Variants in C1orf87 observed in about 807,000 individuals in gnomAD.
C1orf87 encodes the protein uncharacterized protein C1orf87.
In C1orf87, 58 loss-of-function variants were observed where a neutral mutation model predicts 60.5. The ratio of observed to expected loss-of-function variants is 0.96; its 90% CI spans 0.78 to 1.19. C1orf87 has a LOEUF of 1.19. Among genes scored for constraint, C1orf87 ranks in the 50% most tolerant of loss-of-function variants. The pLI, the probability that C1orf87 is intolerant of heterozygous loss-of-function variation, is 0.00. For missense variants in C1orf87, 673 were observed against 638.6 expected (o/e 1.05, Z -0.58); for synonymous variants, 236 against 227.4 (o/e 1.04, Z -0.34).
rs1644972228 is a variant in C1orf87, at chr1:59,997,610, T to C, written c.1479A>G (p.Thr493=). The C allele has an allele frequency of 8.1e-6, 13 of 1,613,616 alleles. No individual in the cohort carries two copies. Among genetic ancestry groups the C allele is most frequent in the East Asian group, 2.2e-5 (1 of 44,870 alleles). The change falls in exon 11 of 12, where the codon ACA becomes ACG. Residue 493 remains threonine, a splice_region_variant and synonymous_variant. Coordinates refer to ENST00000371201, the MANE Select transcript of C1orf87 (RefSeq NM_152377.3). ...NALYLCDLSN[T]GVLEKERARR... ...CCAGCTTTACAATTCATACTTCACC[T>C]GTGTTACTCAGATCACACAGGTAGA...
At chr1:60,055,465 T>C (rs1161026189) in intron 2 of C1orf87, 27 bp from the exon 3 acceptor site, 1 of 1,599,784 alleles carries the variant, frequency 6.3e-7, no homozygotes. Flanking sequence ...GTATACTTTG[T>C]TACTTACAGG....
At chr1:60,059,626 C>T (rs1396423655) in intron 2 of C1orf87, among the ~76,000 whole-genome samples, 1 of 152,158 alleles carries the variant, frequency 6.6e-6, no homozygotes, top group South Asian at 2.1e-4. Context: ...GCCCCACCTC[C>T]CATGTAACTC....
At chr1:60,029,699 G>C (rs1211565692) in intron 7 of C1orf87, among the ~76,000 whole-genome samples, 1 of 137,478 alleles carries the variant, frequency 7.3e-6, no homozygotes, top group Non-Finnish European at 1.5e-5. Flanking sequence ...GGAGTGCAGT[G>C]GCAGGATCTC....
At chr1:60,070,965 A>G (rs1645580799) in intron 2 of C1orf87, among the ~76,000 whole-genome samples, 1 of 152,180 alleles carries the variant, frequency 6.6e-6, no homozygotes, top group Non-Finnish European at 1.5e-5. Flanking sequence ...TAAGGAATGG[A>G]ATAGTAATAA....
intron 9 of C1orf87, among the ~76,000 whole-genome samples, chr1:60,004,126 T>C (rs552180374): frequency 6.6e-6 from 1 of 152,192 alleles, no homozygotes; most frequent in East Asian, 1.9e-4. Context: ...ACAGCTCTCC[T>C]GTTAAAGGGA....
chr1:59,991,498 T>C (rs993327250), intron 11 of C1orf87, among the ~76,000 whole-genome samples: 29 of 151,622 alleles, frequency 1.9e-4, no homozygotes, highest in African/African-American at 7.0e-4. Flanking sequence ...ATACTGTGTT[T>C]TAAAATTTGT....
Position 60,039,914 on chromosome 1 carries a change from T to C in C1orf87, c.747+3A>G. 1.2e-6 allele frequency: 2 copies of C among 1,612,586 alleles called. No homozygotes were observed. Among genetic ancestry groups the C allele is most frequent in the Non-Finnish European group, 1.7e-6 (2 of 1,179,522 alleles). ...CACACTTCCAATAGTACAATTGCCA[T>C]ACCATTTCAGGAGAACCCCTCTTAG... On this transcript the variant is annotated splice_donor_region_variant and intron_variant, in intron 5 of 11. Coordinates refer to ENST00000371201, the MANE Select transcript of C1orf87 (RefSeq NM_152377.3).
At chr1:60,056,808 T>C (rs1360162877) in intron 2 of C1orf87, among the ~76,000 whole-genome samples, 1 of 152,222 alleles carries the variant, frequency 6.6e-6, no homozygotes, top group Non-Finnish European at 1.5e-5. Context: ...AGCTATGCCT[T>C]GTACCTACAT....
intron 11 of C1orf87, among the ~76,000 whole-genome samples, chr1:59,996,751 T>C (rs1250926467): frequency 1.3e-5 from 2 of 152,130 alleles, no homozygotes; most frequent in Non-Finnish European, 2.9e-5. Flanking sequence ...AATTCACTTT[T>C]CTCTGAATGC....
chr1:60,064,562 T>C (rs1645522616), intron 2 of C1orf87, among the ~76,000 whole-genome samples: 1 of 124,848 alleles, frequency 8.0e-6, no homozygotes, highest in African/African-American at 3.0e-5. Flanking sequence ...TTTATATATA[T>C]AAAACTAATA....
chr1:60,015,450 A>G (rs1645118620), intron 8 of C1orf87, among the ~76,000 whole-genome samples: 2 of 152,214 alleles, frequency 1.3e-5, no homozygotes, highest in Non-Finnish European at 1.5e-5. Flanking sequence ...GGTCTAAGAC[A>G]GGCTGCCATA....
In C1orf87 at chr1:60,039,934, T is replaced by G. The variant is rs140217659; in HGVS notation, c.730A>C (p.Arg244=). 9.3e-6 allele frequency: 15 copies of G among 1,613,646 alleles called. No individual in the cohort carries two copies. ...TGCCATACCATTTCAGGAGAACCCC[T>G]CTTAGAAAATCTCTGACAAAGGATT... ...VKILCQRFSK[R]GSPEMVNYEK... Residue 244 remains arginine (R), a synonymous_variant, in exon 5 of 12, where the codon AGG becomes CGG. Coordinates refer to ENST00000371201, the MANE Select transcript of C1orf87 (RefSeq NM_152377.3).
intron 6 of C1orf87, among the ~76,000 whole-genome samples, chr1:60,034,327 C>T (rs983887909): frequency 6.6e-6 from 1 of 152,170 alleles, no homozygotes; most frequent in Admixed American, 6.5e-5. Context: ...TTTTATGAAA[C>T]TGGTTTGATA....
intron 2 of C1orf87, among the ~76,000 whole-genome samples, chr1:60,059,361 G>A (rs1433780883): frequency 6.6e-6 from 1 of 152,204 alleles, no homozygotes; most frequent in African/African-American, 2.4e-5. Flanking sequence ...GACCTCAGCT[G>A]CTGCTCTGGG....
At position 59,997,772 on chromosome 1, in the gene C1orf87, T is replaced by C; in HGVS notation, c.1317A>G (p.Glu439=). The change falls in exon 11 of 12, where the codon GAA becomes GAG. Residue 439 remains glutamate, a synonymous_variant. Transcript: ENST00000371201. ...TCAGAGGATCTTTGCAGGCTGAAGT[T>C]TCAGCAGGAGAGCTTTCTGGCTGCA... ...EELQPESSPA[E]TSACKDPLKP... 1 of 1,613,864 alleles carries C rather than the reference T, an allele frequency of 6.2e-7. No individual in the cohort carries two copies.
At chr1:60,013,680 CT>C (rs1174843807) in intron 8 of C1orf87, among the ~76,000 whole-genome samples, 3,015 of 136,980 alleles carry the variant, frequency 0.022, 30 homozygotes, top group Middle Eastern at 0.062. Flanking sequence ...TGTATATTTG[CT>C]TTTTTTTTTT....
At chr1:60,011,991 A>G (rs1645088594) in intron 8 of C1orf87, among the ~76,000 whole-genome samples, 1 of 152,110 alleles carries the variant, frequency 6.6e-6, no homozygotes, top group Non-Finnish European at 1.5e-5. Flanking sequence ...AGGTAAGAGA[A>G]AGTTGAACAA....
At chr1:60,019,219 G>A (rs999089004) in intron 8 of C1orf87, among the ~76,000 whole-genome samples, 2 of 152,102 alleles carry the variant, frequency 1.3e-5, no homozygotes, top group Admixed American at 6.6e-5. Flanking sequence ...TAGTTTTCAC[G>A]AGATCTGATA....
At chr1:60,008,945 A>T (rs1645064705) in intron 9 of C1orf87, 3 of 245,860 alleles carry the variant, frequency 1.2e-5, no homozygotes, top group South Asian at 8.3e-5. Flanking sequence ...TTCTGATAGT[A>T]ATACCCCTTC....
Sources: allele counts gnomAD v4.1 joint callset (sites outside exome capture counted in the v4.1 genomes callset), GRCh38; gene constraint gnomAD v4.1.1; transcripts MANE v1.5; gene names NCBI Gene and HGNC (gene_info 2026-07-23, HGNC 2026-07-21).